The following ROCK1 variants were observed in gnomAD, a reference collection of about 807,000 sequenced individuals.
ROCK1 encodes the protein Rho associated coiled-coil containing protein kinase 1.
In ROCK1, 36 loss-of-function variants were observed where a neutral mutation model predicts 196.8. The ratio of observed to expected loss-of-function variants is 0.18; its 90% CI spans 0.14 to 0.24. The LOEUF (loss-of-function observed/expected upper bound fraction) is 0.24. ROCK1 is among the 10% of genes least tolerant of loss of function. The pLI is 1.00. For missense variants in ROCK1, 920 were observed against 1,562.0 expected (o/e 0.59, Z 6.93); for synonymous variants, 443 against 515.9 (o/e 0.86, Z 1.91).
intron 21 of ROCK1, among the ~76,000 whole-genome samples, chr18:20,981,068 ATGTACTGGGTAGTTG>A (rs2035527851): frequency 6.6e-6 from 1 of 151,918 alleles, no homozygotes; most frequent in Non-Finnish European, 1.5e-5. Flanking sequence ...GAGGGGTGGG[ATGTACTGGGTAGTTG>A]AGAGACAGGT....
intron 27 of ROCK1, among the ~76,000 whole-genome samples, chr18:20,961,418 T>G (rs1351450055): frequency 6.6e-6 from 1 of 152,190 alleles, no homozygotes; most frequent in Non-Finnish European, 1.5e-5. Flanking sequence ...ATTTAACCTA[T>G]GTATAAGTCC....
At chr18:21,034,154 T>C (rs2036036807) in intron 9 of ROCK1, among the ~76,000 whole-genome samples, 1 of 152,008 alleles carries the variant, frequency 6.6e-6, no homozygotes, top group African/African-American at 2.4e-5. Context: ...TAAAGAAGGC[T>C]TAAATAAATG....
intron 1 of ROCK1, among the ~76,000 whole-genome samples, chr18:21,079,035 C>T (rs1195269200): frequency 6.6e-6 from 1 of 152,112 alleles, no homozygotes; most frequent in African/African-American, 2.4e-5. Flanking sequence ...CTCAGCCTTT[C>T]CATAAAAGCT....
chr18:21,089,602 G>A (rs563600559), intron 1 of ROCK1, among the ~76,000 whole-genome samples: 4 of 152,242 alleles, frequency 2.6e-5, no homozygotes, highest in African/African-American at 7.2e-5. Context: ...TGAAAATATT[G>A]TAGGTTGAAA....
At chr18:21,103,843 T>C (rs2143605295) in intron 1 of ROCK1, among the ~76,000 whole-genome samples, 1 of 152,356 alleles carries the variant, frequency 6.6e-6, no homozygotes, top group African/African-American at 2.4e-5. Flanking sequence ...AATGATGTAC[T>C]TCATTACACA....
intron 1 of ROCK1, among the ~76,000 whole-genome samples, chr18:21,096,170 T>C (rs2036610918): frequency 6.6e-6 from 1 of 152,028 alleles, no homozygotes; most frequent in South Asian, 2.1e-4. Flanking sequence ...AAATTTAAAA[T>C]AAAGCATTTT....
At chr18:21,003,722 TAG>T (rs1169275257) in intron 16 of ROCK1, among the ~76,000 whole-genome samples, 1 of 152,134 alleles carries the variant, frequency 6.6e-6, no homozygotes, top group African/African-American at 2.4e-5. Context: ...TAGTACAGGT[TAG>T]GCATCCTTAA....
At chr18:21,030,728 G>A (rs1416202223) in intron 9 of ROCK1, among the ~76,000 whole-genome samples, 2 of 152,102 alleles carry the variant, frequency 1.3e-5, no homozygotes, top group Non-Finnish European at 1.5e-5. Flanking sequence ...GATAACTATG[G>A]AATAAACATC....
At chr18:21,056,317 C>T (rs2036244673) in intron 2 of ROCK1, among the ~76,000 whole-genome samples, 1 of 152,108 alleles carries the variant, frequency 6.6e-6, no homozygotes, top group Admixed American at 6.6e-5. Flanking sequence ...TTTAATGTGC[C>T]AAAAACTGAA....
rs1453556473 is a variant in ROCK1, at chr18:20,950,710, A to G, written c.*674T>C. 6.6e-6 allele frequency: 1 copy of G among 152,596 alleles called. No individual in the cohort carries two copies. The highest frequency in any genetic ancestry group is 1.5e-5 in the Non-Finnish European group (1 of 68,036). The allele number at this position is 152,596 out of a possible 1,614,324, so 9.5% of individuals were successfully genotyped here. On this transcript the variant is annotated 3_prime_UTR_variant, in exon 33 of 33. Coordinates refer to ENST00000399799, the MANE Select transcript of ROCK1 (RefSeq NM_005406.3). Reference sequence around the variant, plus strand: ...TGGCAAAAATGCATAGATTAAATGTAACTTTTTTTTGTCCTCTCCCATTCC... The same window carrying G: ...TGGCAAAAATGCATAGATTAAATGTGACTTTTTTTTGTCCTCTCCCATTCC...
In ROCK1 at chr18:21,052,735, CTT is replaced by C. The variant is rs1181498208; in HGVS notation, c.176-2857_176-2856del. Among the ~76,000 whole-genome samples the C allele has an allele frequency of 2.0e-5, 3 of 152,094 alleles. No individual in the cohort carries two copies. In the East Asian group the frequency reaches 5.8e-4, roughly 29 times the overall value. Reference sequence around the variant, plus strand: ...CAGGTTGCACATTCCTTATGAGAATCTTTTTTTAATGCCTGATGATCTGAGGT... The same window carrying C: ...CAGGTTGCACATTCCTTATGAGAATCTTTTTAATGCCTGATGATCTGAGGT... On this transcript the variant is annotated intron_variant, in intron 2 of 32. Transcript: ENST00000399799.
intron 2 of ROCK1, among the ~76,000 whole-genome samples, chr18:21,067,075 T>A (rs2036341046): frequency 6.6e-6 from 1 of 152,244 alleles, no homozygotes; most frequent in Non-Finnish European, 1.5e-5. Flanking sequence ...TGCATTTTCA[T>A]AAATACTTGA....
chr18:21,014,510 T>C lies in ROCK1; in HGVS notation c.1410+921A>G, dbSNP rs73431101. 6.5e-3 allele frequency among the ~76,000 whole-genome samples: 997 copies of C among 152,352 alleles called. 13 individuals carry two copies. The highest frequency in any genetic ancestry group is 0.023 in the African/African-American group (957 of 41,576). On this transcript the variant is annotated intron_variant, in intron 13 of 32. Coordinates refer to ENST00000399799, the MANE Select transcript of ROCK1 (RefSeq NM_005406.3). ...CTCAAATTTCCCTCTCTACTTCTAA[T>C]TTGGAAAAATGAATAACTTAAATCT... is the stretch of plus-strand genomic sequence containing the variant.
rs2035983234 is a variant in ROCK1, at chr18:21,028,825, C to T, written c.1162G>A (p.Val388Ile). The T allele has an allele frequency of 6.2e-7, 1 of 1,612,612 alleles. No homozygotes were observed. ...CCTACAAAAGGTAGTTGATTGCCAA[C>T]GAAAGCTTTAGGAATAGGGAATGTT... ...EETFPIPKAFVGNQLPFVGFT... is the reference protein window; with the variant it reads ...EETFPIPKAFIGNQLPFVGFT... Residue 388 changes from valine (V) to isoleucine (I), a missense_variant, in exon 10 of 33, where the codon GTT becomes ATT. Coordinates refer to ENST00000399799, the MANE Select transcript of ROCK1 (RefSeq NM_005406.3).
intron 19 of ROCK1, among the ~76,000 whole-genome samples, chr18:20,985,857 G>T (rs1472083325): frequency 6.6e-6 from 1 of 151,978 alleles, no homozygotes; most frequent in African/African-American, 2.4e-5. Flanking sequence ...TCCCATGCAA[G>T]TTTTATTTTT....
At chr18:21,048,036 G>C (rs2036175782) in intron 4 of ROCK1, among the ~76,000 whole-genome samples, 1 of 152,118 alleles carries the variant, frequency 6.6e-6, no homozygotes, top group Admixed American at 6.5e-5. Flanking sequence ...TAAAAGCAGA[G>C]AGAAAACTCA....
At chr18:21,059,242 C>G (rs1349632612) in intron 2 of ROCK1, among the ~76,000 whole-genome samples, 1 of 152,096 alleles carries the variant, frequency 6.6e-6, no homozygotes, top group Non-Finnish European at 1.5e-5. Context: ...TATCACTAGC[C>G]TAAAATGACT....
At position 20,953,650 on chromosome 18, in the gene ROCK1, C is replaced by T; in HGVS notation, c.3989G>A (p.Arg1330Gln). ...PPSGFVRASP[R>Q]TLSTRSTANQ... ...TGCAGTGGATCTTGTAGAAAGCGTT[C>T]GAGGGGAAGCACGAACAAAACCAGA... Residue 1330 changes from arginine to glutamine, a missense_variant, in exon 32 of 33, where the codon CGA becomes CAA. By Grantham distance (43) the Arg-to-Gln change is conservative (BLOSUM62 1). This residue lies in a region of ROCK1 where 49 missense variants were observed against 180.4 expected (regional missense o/e 0.27). Coordinates refer to ENST00000399799, the MANE Select transcript of ROCK1 (RefSeq NM_005406.3). The T allele has an allele frequency of 3.1e-6, 5 of 1,612,772 alleles. No individual in the cohort carries two copies. The highest frequency in any genetic ancestry group is 4.2e-6 in the Non-Finnish European group (5 of 1,179,638).
chr18:21,040,001 G>T (rs986963747), intron 8 of ROCK1, among the ~76,000 whole-genome samples: 2 of 152,156 alleles, frequency 1.3e-5, no homozygotes, highest in Non-Finnish European at 2.9e-5. Context: ...AGGCTACAGT[G>T]AGCTGAGATT....
Sources: allele counts gnomAD v4.1 joint callset (sites outside exome capture counted in the v4.1 genomes callset), GRCh38; gene constraint gnomAD v4.1.1; regional missense constraint gnomAD v4.1.1; transcripts MANE v1.5; gene names NCBI Gene and HGNC (gene_info 2026-07-23, HGNC 2026-07-21).